The following FRMPD4 variants were observed in gnomAD, a reference collection of about 807,000 sequenced individuals.
FRMPD4 encodes the protein FERM and PDZ domain-containing protein 4.
Under a neutral mutation model 94.1 loss-of-function variants are expected in FRMPD4, and 22 were observed. The observed-to-expected ratio is 0.23, with a 90% CI of 0.17 to 0.33. FRMPD4 has a LOEUF of 0.33. FRMPD4 is among the 10% of genes least tolerant of loss of function. FRMPD4 has a pLI of 1.00. For synonymous variants in FRMPD4, 631 were observed against 548.6 expected (o/e 1.15, Z -2.10); for missense variants, 1,111 against 1,339.9 (o/e 0.83, Z 2.67).
intron 3 of FRMPD4, among the ~76,000 whole-genome samples, chrX:12,053,594 G>T (rs770706092): frequency 2.7e-5 from 3 of 110,648 alleles, no homozygotes; most frequent in Non-Finnish European, 5.7e-5. Context: ...AAGCTCAATC[G>T]AGGCCTGCAC....
At position 12,508,433 on chromosome X, in the gene FRMPD4, A is replaced by G. The variant is rs181252748; in HGVS notation, c.158+9637A>G. Among the ~76,000 whole-genome samples, 13 of 112,707 alleles carry G rather than the reference A, an allele frequency of 1.2e-4. No homozygotes were observed. In the Admixed American group the frequency reaches 1.2e-3, roughly 11 times the overall value. ...CAGAAATTACTGGAGACTCATGGCT[A>G]TTCTCCTACAGGAGATAAAGGAGAC... On this transcript the variant is annotated intron_variant, in intron 2 of 16. Coordinates refer to ENST00000675598, the MANE Select transcript of FRMPD4 (RefSeq NM_001368397.1).
intron 1 of FRMPD4, among the ~76,000 whole-genome samples, chrX:12,250,911 G>C (rs2054029918): frequency 9.0e-6 from 1 of 111,457 alleles, no homozygotes; most frequent in Non-Finnish European, 1.9e-5. Context: ...ATTCCAGCCA[G>C]GCTCAGGGCC....
intron 1 of FRMPD4, among the ~76,000 whole-genome samples, chrX:12,430,988 T>C (rs940094127): frequency 1.2e-4 from 14 of 112,284 alleles, no homozygotes; most frequent in African/African-American, 4.2e-4. Context: ...CAGAGAGAAA[T>C]TCAGTCTTCT....
intron 3 of FRMPD4, among the ~76,000 whole-genome samples, chrX:12,009,233 C>T (rs1392050684): frequency 2.7e-5 from 3 of 112,218 alleles, no homozygotes; most frequent in Non-Finnish European, 5.6e-5. Flanking sequence ...TTTCACAATG[C>T]ATAATATGTC....
Position 12,399,151 on chromosome X carries a change from T to G in FRMPD4, c.42-99529T>G, listed in dbSNP as rs746765608. Among the ~76,000 whole-genome samples, 19 of 111,414 alleles carry G rather than the reference T, an allele frequency of 1.7e-4. No homozygotes were observed. The South Asian group carries it at 6.2e-3, about 36-fold the overall frequency. ...ACTGAGGATTGTTCATGTCTTCACT[T>G]TAGTGCTGATTGCGCTGTGTGCTTG... On this transcript the variant is annotated intron_variant, in intron 1 of 16. Coordinates refer to ENST00000675598, the MANE Select transcript of FRMPD4 (RefSeq NM_001368397.1).
intron 10 of FRMPD4, 116 bp downstream of exon 10, chrX:12,702,126 C>T: frequency 1.4e-6 from 1 of 695,501 alleles, no homozygotes; most frequent in Non-Finnish European, 2.2e-6. Flanking sequence ...ATTCATTCGC[C>T]AGTGGCAAAA....
Position 11,879,961 on chromosome X carries a change from C to T in FRMPD4, c.95+1943C>T, listed in dbSNP as rs1267200327. On this transcript the variant is annotated intron_variant, in intron 3 of 18. Coordinates refer to the FRMPD4 transcript ENST00000640291. ...TCTCCATGCTCCTCCATCTGTATGC[C>T]TCATGGCTGATCTGAAGGACTTATT... Among the ~76,000 whole-genome samples, 32 of 112,473 alleles carry T rather than the reference C, an allele frequency of 2.8e-4. No homozygotes were observed. In the Admixed American group the frequency reaches 3.0e-3, roughly 11 times the overall value.
At chrX:12,019,363 C>T (rs190773618) in intron 3 of FRMPD4, among the ~76,000 whole-genome samples, 38 of 109,715 alleles carry the variant, frequency 3.5e-4, no homozygotes, top group African/African-American at 1.3e-3. Context: ...TTGTCTCCGG[C>T]TTTCACATAT....
intron 1 of FRMPD4, among the ~76,000 whole-genome samples, chrX:12,226,500 A>G (rs2056924088): frequency 8.9e-6 from 1 of 111,763 alleles, no homozygotes; most frequent in Non-Finnish European, 1.9e-5. Flanking sequence ...AAAAATCAAG[A>G]TCGGTGACGG....
chrX:12,024,857 C>A (rs2054650676), intron 3 of FRMPD4, among the ~76,000 whole-genome samples: 1 of 111,682 alleles, frequency 9.0e-6, no homozygotes, highest in Non-Finnish European at 1.9e-5. Flanking sequence ...GGGAGTGACT[C>A]CCTTTTGCAT....
At chrX:12,702,059 C>G in intron 10 of FRMPD4, 49 bp downstream of exon 10, 1 of 1,145,906 alleles carries the variant, frequency 8.7e-7, no homozygotes, top group African/African-American at 1.8e-5. Flanking sequence ...TGCCGCCTCC[C>G]TTAGCCCGGG....
At chrX:11,986,602 A>G (rs185466947) in intron 3 of FRMPD4, among the ~76,000 whole-genome samples, 15 of 112,000 alleles carry the variant, frequency 1.3e-4, no homozygotes, top group Admixed American at 2.8e-4. Context: ...ATTGAAATGA[A>G]GAAAACGATA....
rs193297174 is a variant in FRMPD4, at chrX:12,289,356, T to C, written c.41+150344T>C. ...TATTCTAATCTCTAGACCTGTGTTG[T>C]CCAATTCAGTAGACACTAGCCCATA... On this transcript the variant is annotated intron_variant, in intron 1 of 16. Transcript: ENST00000675598. Among the ~76,000 whole-genome samples the C allele has an allele frequency of 3.0e-3, 337 of 112,255 alleles. 1 individual carries two copies. Among genetic ancestry groups the C allele is most frequent in the Non-Finnish European group, 5.5e-3 (293 of 53,256 alleles).
chrX:12,483,566 G>A (rs971728753), intron 1 of FRMPD4, among the ~76,000 whole-genome samples: 1 of 111,905 alleles, frequency 8.9e-6, no homozygotes, highest in African/African-American at 3.2e-5. Context: ...GATATAGAAT[G>A]GAGACCTTTT....
intron 3 of FRMPD4, among the ~76,000 whole-genome samples, chrX:12,125,226 C>T (rs1224397710): frequency 1.8e-5 from 2 of 111,929 alleles, no homozygotes; most frequent in Non-Finnish European, 3.8e-5. Context: ...CATTCATGAG[C>T]TAGTGTAGGT....
intron 1 of FRMPD4, among the ~76,000 whole-genome samples, chrX:12,426,083 C>T (rs2056942285): frequency 8.9e-6 from 1 of 112,277 alleles, no homozygotes; most frequent in African/African-American, 3.2e-5. Flanking sequence ...ATGACTGTTA[C>T]TTGAGCAAAT....
At chrX:11,970,767 A>G (rs1451215470) in intron 3 of FRMPD4, among the ~76,000 whole-genome samples, 7 of 111,605 alleles carry the variant, frequency 6.3e-5, no homozygotes. Flanking sequence ...ATGTGATTTG[A>G]CCTCACTGGG....
intron 1 of FRMPD4, among the ~76,000 whole-genome samples, chrX:12,178,626 T>C (rs1382401942): frequency 1.8e-5 from 2 of 112,092 alleles, no homozygotes; most frequent in Non-Finnish European, 3.8e-5. Flanking sequence ...ATTAAGCCCC[T>C]GCTGTGTGCC....
At chrX:12,002,961 C>G (rs1199658979) in intron 3 of FRMPD4, among the ~76,000 whole-genome samples, 1 of 111,450 alleles carries the variant, frequency 9.0e-6, no homozygotes, top group Non-Finnish European at 1.9e-5. Flanking sequence ...AGACCCAGAC[C>G]CTGAGATACT....
Sources: gnomAD v4.1 joint callset for allele counts (sites outside exome capture counted in the v4.1 genomes callset) on GRCh38, gnomAD v4.1.1 for gene constraint, MANE v1.5 for transcripts, NCBI Gene and HGNC (gene_info 2026-07-23, HGNC 2026-07-21) for gene names.